ANK2: variants seen among roughly 807,000 people sequenced by gnomAD.
ANK2 encodes the protein ankyrin 2, also known as ankyrin-2.
A neutral mutation model predicts 360.5 loss-of-function variants in ANK2; 83 were observed. That is an observed-to-expected ratio of 0.23 (90% CI 0.19 to 0.28). The LOEUF (loss-of-function observed/expected upper bound fraction) is 0.28, where lower values mean the gene tolerates loss of function less well. ANK2 is among the 10% of genes least tolerant of loss of function. ANK2 has a pLI of 1.00. For missense variants in ANK2, 4,201 were observed against 4,795.7 expected (o/e 0.88, Z 3.66); for synonymous variants, 1,740 against 1,759.5 (o/e 0.99, Z 0.28).
At chr4:112,716,385 C>T in the ANK2 span, among the ~76,000 whole-genome samples, 5 of 152,142 alleles carry the variant, frequency 3.3e-5, no homozygotes, top group Admixed American at 2.6e-4. Context: ...GTGTAAACCA[C>T]CACACTGGGC....
At chr4:112,727,014 T>C in the ANK2 span, among the ~76,000 whole-genome samples, 1 of 151,940 alleles carries the variant, frequency 6.6e-6, no homozygotes, top group East Asian at 1.9e-4. Flanking sequence ...TACTATGAAC[T>C]TTATATATAA....
At chr4:113,053,078 G>A (rs575163923) in intron 1 of ANK2, among the ~76,000 whole-genome samples, 1 of 152,284 alleles carries the variant, frequency 6.6e-6, no homozygotes, top group South Asian at 2.1e-4. Context: ...CATGATATGG[G>A]AGTGGTGTTG....
chr4:113,011,530 G>C (rs765403452), intron 2 of ANK2, among the ~76,000 whole-genome samples: 8 of 152,102 alleles, frequency 5.3e-5, no homozygotes, highest in Non-Finnish European at 1.2e-4. Flanking sequence ...GTGAAAATGT[G>C]ACAAGACAAA....
At chr4:113,250,677 G>A (rs1452672087) in intron 10 of ANK2, among the ~76,000 whole-genome samples, 1 of 150,312 alleles carries the variant, frequency 6.7e-6, no homozygotes, top group Non-Finnish European at 1.5e-5. Context: ...AGCAACCTTG[G>A]ATCCTTAAAT....
chr4:112,720,362 C>A, the ANK2 span, among the ~76,000 whole-genome samples: 3 of 152,152 alleles, frequency 2.0e-5, no homozygotes, highest in Non-Finnish European at 4.4e-5. Flanking sequence ...CTATTTGGTG[C>A]CTACCCTCGA....
chr4:113,303,181 TA>T (rs1419265958), intron 23 of ANK2, among the ~76,000 whole-genome samples: 1 of 152,200 alleles, frequency 6.6e-6, no homozygotes, highest in South Asian at 2.1e-4. Flanking sequence ...TGAATTATGT[TA>T]AAAAATCTTT....
At chr4:112,888,884 G>A (rs1400254447) in intron 1 of ANK2, among the ~76,000 whole-genome samples, 1 of 152,188 alleles carries the variant, frequency 6.6e-6, no homozygotes, top group Non-Finnish European at 1.5e-5. Context: ...AAACAAAGAA[G>A]AGGATGATTC....
In ANK2 at chr4:113,329,030, G is replaced by A. The variant is rs75842616; in HGVS notation, c.2901-1216G>A. 7.8e-4 allele frequency among the ~76,000 whole-genome samples: 119 copies of A among 152,260 alleles called. No homozygotes were observed. The East Asian group carries it at 0.023, about 29-fold the overall frequency. ...TTATAAGCAGAGACATGATACACCT[G>A]TATGTTGCTTTCCTCTTCCCATTTT... On this transcript the variant is annotated intron_variant, in intron 26 of 45. Coordinates refer to ENST00000357077, the MANE Select transcript of ANK2 (RefSeq NM_001148.6).
the ANK2 span, among the ~76,000 whole-genome samples, chr4:112,777,261 CAG>C: frequency 6.6e-6 from 1 of 152,204 alleles, no homozygotes; most frequent in African/African-American, 2.4e-5. Flanking sequence ...TTTTTTGAGA[CAG>C]AGTCTTGCTC....
intron 1 of ANK2, among the ~76,000 whole-genome samples, chr4:113,068,519 C>T (rs748914353): frequency 1.4e-4 from 21 of 152,194 alleles, no homozygotes; most frequent in Non-Finnish European, 2.5e-4. Flanking sequence ...CATTTGAATA[C>T]TTGATTAGAA....
chr4:113,293,640 G>A, intron 22 of ANK2, 102 bp downstream of exon 22: 1 of 1,136,688 alleles, frequency 8.8e-7, no homozygotes, highest in Non-Finnish European at 1.3e-6. Flanking sequence ...GGAGCTTTTA[G>A]TTTTGAACTT....
At chr4:113,052,387 T>C (rs544635905) in intron 1 of ANK2, among the ~76,000 whole-genome samples, 46 of 152,324 alleles carry the variant, frequency 3.0e-4, no homozygotes, top group African/African-American at 1.1e-3. Context: ...AAGCTCACTA[T>C]GGCCTGGGTG....
At chr4:112,917,253 T>C (rs914843990) in intron 2 of ANK2, among the ~76,000 whole-genome samples, 3 of 152,232 alleles carry the variant, frequency 2.0e-5, no homozygotes, top group African/African-American at 4.8e-5. Flanking sequence ...TTGATAACTC[T>C]CGTGGATCTA....
In ANK2 at chr4:113,029,775, G is replaced by A. The variant is rs1011432107; in HGVS notation, c.21+125261G>A. On this transcript the variant is annotated intron_variant, in intron 2 of 30. Coordinates refer to the ANK2 transcript ENST00000503271. ...TACCTCAGAATGACTGACTTATCTC[G>A]ACGGCCAAAAACACCACTCTCAAAA... 3.9e-5 allele frequency among the ~76,000 whole-genome samples: 6 copies of A among 152,078 alleles called. No individual in the cohort carries two copies. The East Asian group carries it at 7.8e-4, about 20-fold the overall frequency.
At chr4:112,961,822 C>A (rs1411904805) in intron 2 of ANK2, among the ~76,000 whole-genome samples, 1 of 152,116 alleles carries the variant, frequency 6.6e-6, no homozygotes, top group Non-Finnish European at 1.5e-5. Flanking sequence ...TGGTTCTCAA[C>A]CCTGTCTGCC....
chr4:112,821,044 T>G (rs1488057496), intron 1 of ANK2, among the ~76,000 whole-genome samples: 1 of 152,204 alleles, frequency 6.6e-6, no homozygotes, highest in Non-Finnish European at 1.5e-5. Context: ...CCCGAGTAGC[T>G]GAGATTACAG....
At chr4:113,008,044 T>C (rs996287009) in intron 2 of ANK2, among the ~76,000 whole-genome samples, 5 of 152,098 alleles carry the variant, frequency 3.3e-5, no homozygotes, top group Admixed American at 2.6e-4. Flanking sequence ...GTGTTAATTC[T>C]TACATTTTAC....
At chr4:112,885,131 TTC>T (rs534431016) in intron 1 of ANK2, among the ~76,000 whole-genome samples, 5 of 152,204 alleles carry the variant, frequency 3.3e-5, no homozygotes, top group Non-Finnish European at 5.9e-5. Flanking sequence ...TGCCCTTTTT[TTC>T]TCTGTCTTCA....
At chr4:112,875,522 A>G (rs2074783635) in intron 1 of ANK2, among the ~76,000 whole-genome samples, 1 of 131,408 alleles carries the variant, frequency 7.6e-6, no homozygotes, top group East Asian at 2.2e-4. Flanking sequence ...ATTTGTAGAG[A>G]TGAGAATCTT....
Sources: gnomAD v4.1 joint callset for allele counts (sites outside exome capture counted in the v4.1 genomes callset) on GRCh38, gnomAD v4.1.1 for gene constraint, MANE v1.5 for transcripts, NCBI Gene and HGNC (gene_info 2026-07-23, HGNC 2026-07-21) for gene names.